The following FGF14 variants were observed in gnomAD, a reference collection of about 807,000 sequenced individuals.
The protein encoded by FGF14 is fibroblast growth factor 14, also known as fibroblast growth factor homologous factor 4.
A neutral mutation model predicts 25.5 loss-of-function variants in FGF14; 5 were observed. The observed-to-expected ratio is 0.20, with a 90% CI of 0.10 to 0.41. The LOEUF (loss-of-function observed/expected upper bound fraction) is 0.41, where lower values mean the gene tolerates loss of function less well. Ranked by LOEUF, FGF14 falls within the 10% of genes least tolerant of loss-of-function variation. FGF14 has a pLI of 1.00. For synonymous variants in FGF14, 138 were observed against 118.3 expected, an observed-to-expected ratio of 1.17 and a Z score of -1.08; for missense variants, 222 against 320.1, an observed-to-expected ratio of 0.69 and a Z score of 2.34.
At chr13:102,254,239 G>A (rs1322366854) in intron 1 of FGF14, among the ~76,000 whole-genome samples, 3 of 152,132 alleles carry the variant, frequency 2.0e-5, no homozygotes, top group South Asian at 2.1e-4. Flanking sequence ...TTAATCTCAC[G>A]GTGAGTGCTT....
At chr13:101,972,798 C>T (rs546961958) in intron 1 of FGF14, among the ~76,000 whole-genome samples, 6 of 152,288 alleles carry the variant, frequency 3.9e-5, no homozygotes, top group African/African-American at 1.2e-4. Context: ...CATGAGCCAC[C>T]GTGCCCAGCT....
At position 101,924,891 on chromosome 13, in the gene FGF14, A is replaced by G. The variant is rs548104999; in HGVS notation, c.209-49595T>C. On this transcript the variant is annotated intron_variant, in intron 1 of 4. Coordinates refer to the FGF14 transcript ENST00000376131. ...ACACAGTGACCAGTGTAGAATAAGA[A>G]CTCTTACATGGGAGCCAAGGACTTC... Among the ~76,000 whole-genome samples, 112 of 152,252 alleles carry G rather than the reference A, an allele frequency of 7.4e-4. 1 individual carries two copies. The highest frequency in any genetic ancestry group is 1.3e-3 in the Non-Finnish European group (86 of 68,006).
At chr13:102,064,139 G>A (rs2042804283) in intron 1 of FGF14, among the ~76,000 whole-genome samples, 2 of 152,066 alleles carry the variant, frequency 1.3e-5, no homozygotes, top group South Asian at 4.1e-4. Flanking sequence ...GATAGGTTTA[G>A]GAAAGAACTG....
intron 3 of FGF14, among the ~76,000 whole-genome samples, chr13:101,764,099 T>C (rs2038227689): frequency 6.6e-6 from 1 of 152,146 alleles, no homozygotes; most frequent in Non-Finnish European, 1.5e-5. Flanking sequence ...CAGGGATCCA[T>C]CACTGACACT....
intron 1 of FGF14, among the ~76,000 whole-genome samples, chr13:101,994,202 G>T (rs573908440): frequency 1.6e-4 from 25 of 152,016 alleles, no homozygotes; most frequent in African/African-American, 5.8e-4. Context: ...TCCAATGATT[G>T]TTGGTTCTAA....
chr13:102,050,685 A>G (rs2042179778), intron 1 of FGF14, among the ~76,000 whole-genome samples: 1 of 152,158 alleles, frequency 6.6e-6, no homozygotes, highest in Non-Finnish European at 1.5e-5. Context: ...CACACACACA[A>G]AAAGAAAAAG....
At chr13:102,146,563 G>C (rs1270198897) in intron 1 of FGF14, among the ~76,000 whole-genome samples, 1 of 152,048 alleles carries the variant, frequency 6.6e-6, no homozygotes, top group Non-Finnish European at 1.5e-5. Flanking sequence ...CTTTTCCATG[G>C]TCTTTGTAAG....
chr13:102,187,389 T>C (rs2048920083), intron 1 of FGF14, among the ~76,000 whole-genome samples: 1 of 152,190 alleles, frequency 6.6e-6, no homozygotes, highest in Non-Finnish European at 1.5e-5. Flanking sequence ...GTCCAAACAT[T>C]TTAAAAAGTT....
At chr13:102,185,232 A>G (rs1291106928) in intron 1 of FGF14, among the ~76,000 whole-genome samples, 4 of 152,152 alleles carry the variant, frequency 2.6e-5, no homozygotes, top group East Asian at 1.9e-4. Context: ...AATCATCATA[A>G]TAAGAAAAAA....
chr13:102,385,947 T>A (rs1473076790), intron 1 of FGF14, among the ~76,000 whole-genome samples: 3 of 152,182 alleles, frequency 2.0e-5, no homozygotes, highest in Non-Finnish European at 4.4e-5. Flanking sequence ...TGCCATAATG[T>A]AATATAGCGT....
intron 1 of FGF14, among the ~76,000 whole-genome samples, chr13:102,361,814 A>G (rs2057574319): frequency 1.3e-5 from 2 of 152,138 alleles, no homozygotes; most frequent in Non-Finnish European, 1.5e-5. Flanking sequence ...TATGATTTTA[A>G]CTGATATAAC....
At chr13:101,871,911 T>A (rs1358439653) in intron 2 of FGF14, among the ~76,000 whole-genome samples, 1 of 150,210 alleles carries the variant, frequency 6.7e-6, no homozygotes, top group African/African-American at 2.5e-5. Flanking sequence ...TTTGTGCTAC[T>A]TTTCCTTCCC....
At chr13:102,384,074 G>GT (rs1345367328) in intron 1 of FGF14, among the ~76,000 whole-genome samples, 1 of 151,904 alleles carries the variant, frequency 6.6e-6, no homozygotes, top group Non-Finnish European at 1.5e-5. Context: ...TTCAATGTTT[G>GT]TTTTTTCTAT....
chr13:101,981,069 T>C (rs1239834528), intron 1 of FGF14, among the ~76,000 whole-genome samples: 2 of 134,680 alleles, frequency 1.5e-5, no homozygotes, highest in African/African-American at 5.6e-5. Context: ...TGGTGAAACC[T>C]CGTCTCTACT....
intron 1 of FGF14, among the ~76,000 whole-genome samples, chr13:102,199,704 T>G (rs1304059667): frequency 6.6e-6 from 1 of 152,142 alleles, no homozygotes; most frequent in East Asian, 1.9e-4. Flanking sequence ...CAGTCTACAC[T>G]CTAATCTCAC....
chr13:102,235,410 A>C (rs928732989), intron 1 of FGF14, among the ~76,000 whole-genome samples: 1 of 152,152 alleles, frequency 6.6e-6, no homozygotes, highest in African/African-American at 2.4e-5. Flanking sequence ...TTTGCTGCTC[A>C]AAGTTTGGTC....
intron 4 of FGF14, among the ~76,000 whole-genome samples, chr13:101,723,948 GA>G (rs1199985204): frequency 6.6e-6 from 1 of 152,048 alleles, no homozygotes; most frequent in African/African-American, 2.4e-5. Context: ...TAGTTAAGAT[GA>G]ACTACCATAT....
intron 1 of FGF14, among the ~76,000 whole-genome samples, chr13:102,230,341 G>T (rs2051022570): frequency 6.6e-6 from 1 of 152,214 alleles, no homozygotes; most frequent in Non-Finnish European, 1.5e-5. Context: ...AACAGACTAA[G>T]ACAGATACCA....
At chr13:101,922,308 C>T (rs938100370) in intron 1 of FGF14, among the ~76,000 whole-genome samples, 1 of 152,110 alleles carries the variant, frequency 6.6e-6, no homozygotes, top group South Asian at 2.1e-4. Flanking sequence ...ATAGGATACA[C>T]CGAAAATACT....
Sources: allele counts gnomAD v4.1 joint callset (sites outside exome capture counted in the v4.1 genomes callset), GRCh38; gene constraint gnomAD v4.1.1; transcripts MANE v1.5; gene names NCBI Gene and HGNC (gene_info 2026-07-23, HGNC 2026-07-21).